Variants in EPHB1 observed in about 807,000 individuals in gnomAD.
EPHB1 encodes ephrin type-B receptor 1.
EPHB1 carries 30 observed loss-of-function variants against 94.4 expected under a neutral mutation model. The ratio of observed to expected loss-of-function variants is 0.32; its 90% CI spans 0.24 to 0.43. The LOEUF is 0.43. Ranked by LOEUF, EPHB1 falls within the 20% of genes least tolerant of loss-of-function variation. EPHB1 has a pLI of 1.00. For synonymous variants in EPHB1, 522 were observed against 489.1 expected (o/e 1.07, Z -0.89); for missense variants, 1,055 against 1,308.3 (o/e 0.81, Z 2.99).
intron 1 of EPHB1, among the ~76,000 whole-genome samples, chr3:134,830,663 C>T (rs187740065): frequency 0.027 from 4,146 of 152,222 alleles, 126 homozygotes; most frequent in African/African-American, 0.072. Context: ...CTCTCAAAAA[C>T]GAAACATGTG....
At chr3:135,012,100 C>A (rs929923755) in intron 3 of EPHB1, among the ~76,000 whole-genome samples, 2 of 152,172 alleles carry the variant, frequency 1.3e-5, no homozygotes, top group Non-Finnish European at 1.5e-5. Flanking sequence ...GTGATTCAAA[C>A]TGAAGGTGCC....
chr3:134,993,243 T>A (rs1011601222), intron 3 of EPHB1, among the ~76,000 whole-genome samples: 1 of 152,210 alleles, frequency 6.6e-6, no homozygotes, highest in Non-Finnish European at 1.5e-5. Context: ...TCCAGCCTCA[T>A]CCTGATGTTA....
chr3:134,891,501 A>G (rs1284337037), intron 1 of EPHB1, among the ~76,000 whole-genome samples: 1 of 152,228 alleles, frequency 6.6e-6, no homozygotes, highest in Non-Finnish European at 1.5e-5. Context: ...GAAAGTATCC[A>G]TGTACTATTA....
chr3:135,053,245 A>G (rs1937247992), intron 3 of EPHB1, among the ~76,000 whole-genome samples: 1 of 151,752 alleles, frequency 6.6e-6, no homozygotes, highest in South Asian at 2.1e-4. Flanking sequence ...GATACCCCCA[A>G]ATATCCTGAC....
intron 1 of EPHB1, among the ~76,000 whole-genome samples, chr3:134,822,767 T>G (rs1361896985): frequency 6.6e-6 from 1 of 152,164 alleles, no homozygotes; most frequent in African/African-American, 2.4e-5. Flanking sequence ...AAATTTAAAT[T>G]TTTTTCTGGT....
intron 1 of EPHB1, among the ~76,000 whole-genome samples, chr3:134,913,117 C>A (rs1224691693): frequency 6.6e-6 from 1 of 152,162 alleles, no homozygotes; most frequent in Non-Finnish European, 1.5e-5. Flanking sequence ...CAGCGTCAGT[C>A]CTTGCATCCA....
At chr3:134,883,634 G>T (rs2037805940) in intron 1 of EPHB1, among the ~76,000 whole-genome samples, 1 of 152,200 alleles carries the variant, frequency 6.6e-6, no homozygotes, top group Non-Finnish European at 1.5e-5. Flanking sequence ...TTTAACAAGT[G>T]GCCCTCAAGG....
At chr3:135,154,389 G>T in intron 6 of EPHB1, 113 bp downstream of exon 6, 1 of 1,468,998 alleles carries the variant, frequency 6.8e-7, no homozygotes, top group Admixed American at 2.0e-5. Context: ...GAGGATTCTG[G>T]TGACAGAGGC....
At chr3:134,993,127 C>T (rs1934870226) in intron 3 of EPHB1, among the ~76,000 whole-genome samples, 1 of 152,210 alleles carries the variant, frequency 6.6e-6, no homozygotes, top group Non-Finnish European at 1.5e-5. Flanking sequence ...CCCCAGTAAT[C>T]CCCATTAAGA....
intron 1 of EPHB1, among the ~76,000 whole-genome samples, chr3:134,844,866 G>A (rs1271660594): frequency 2.0e-5 from 3 of 152,182 alleles, no homozygotes; most frequent in African/African-American, 7.2e-5. Context: ...CTAGCCACAA[G>A]TCTCTACCAG....
chr3:134,824,838 A>G (rs1364876581), intron 1 of EPHB1, among the ~76,000 whole-genome samples: 1 of 152,002 alleles, frequency 6.6e-6, no homozygotes, highest in African/African-American at 2.4e-5. Flanking sequence ...GACAGCCAGC[A>G]CCAACTGCCA....
chr3:134,807,834 A>C (rs571655660), intron 1 of EPHB1, among the ~76,000 whole-genome samples: 1 of 152,276 alleles, frequency 6.6e-6, no homozygotes, highest in South Asian at 2.1e-4. Flanking sequence ...AGCTCTCAGA[A>C]CCTAGCAAGA....
chr3:135,111,409 C>G, intron 4 of EPHB1, among the ~76,000 whole-genome samples: 1 of 152,124 alleles, frequency 6.6e-6, no homozygotes, highest in East Asian at 1.9e-4. Context: ...TTCCTCTGTC[C>G]TTTGCTTTAT....
chr3:135,155,298 G>A (rs570013253), intron 6 of EPHB1, among the ~76,000 whole-genome samples: 11 of 152,156 alleles, frequency 7.2e-5, no homozygotes, highest in Non-Finnish European at 1.5e-4. Context: ...CTTGGAGAAG[G>A]TAAGATCTGA....
rs551251931 is a variant in EPHB1, at chr3:134,862,705, C to T, written c.59-63111C>T. ...ATCTGGCTGGACATGTTGCCGTGGC[C>T]ATTGGTGTTTGGGGATCAAGAATCT... On this transcript the variant is annotated intron_variant, in intron 1 of 15. Coordinates refer to ENST00000398015, the MANE Select transcript of EPHB1 (RefSeq NM_004441.5). 3.9e-5 allele frequency among the ~76,000 whole-genome samples: 6 copies of T among 152,122 alleles called. 1 individual carries two copies. The East Asian group carries it at 9.8e-4, about 25-fold the overall frequency.
chr3:134,906,475 T>C (rs1344249517), intron 1 of EPHB1, among the ~76,000 whole-genome samples: 1 of 152,222 alleles, frequency 6.6e-6, no homozygotes, highest in African/African-American at 2.4e-5. Flanking sequence ...AAATAATGAA[T>C]GAAGTGATCA....
At chr3:135,026,783 G>C (rs1183810920) in intron 3 of EPHB1, among the ~76,000 whole-genome samples, 1 of 141,672 alleles carries the variant, frequency 7.1e-6, no homozygotes, top group Non-Finnish European at 1.5e-5. Context: ...GGATGGCATT[G>C]AATCTGTAAA....
chr3:134,914,962 G>T (rs1205417249), intron 1 of EPHB1, among the ~76,000 whole-genome samples: 2 of 152,108 alleles, frequency 1.3e-5, no homozygotes, highest in Admixed American at 6.5e-5. Flanking sequence ...CTCTGCCCAG[G>T]ACAGGGAAGA....
chr3:135,239,591 G>C (rs1376618272), intron 12 of EPHB1, among the ~76,000 whole-genome samples: 1 of 152,140 alleles, frequency 6.6e-6, no homozygotes, highest in African/African-American at 2.4e-5. Context: ...AAACTGAAAA[G>C]GGGGGTCATA....
Sources: gnomAD v4.1 joint callset for allele counts (sites outside exome capture counted in the v4.1 genomes callset) on GRCh38, gnomAD v4.1.1 for gene constraint, MANE v1.5 for transcripts, NCBI Gene and HGNC (gene_info 2026-07-23, HGNC 2026-07-21) for gene names.